Variants in AXDND1 observed in about 807,000 individuals in gnomAD.
The protein encoded by AXDND1 is axonemal dynein light chain domain containing 1.
In AXDND1, 110 loss-of-function variants were observed where a neutral mutation model predicts 137.5. That is an observed-to-expected ratio of 0.80 (90% CI 0.69 to 0.94). The LOEUF (loss-of-function observed/expected upper bound fraction) is 0.94, where lower values mean the gene tolerates loss of function less well. Among genes scored for constraint, AXDND1 ranks in the 40% least tolerant of loss-of-function variants. AXDND1 has a pLI of 0.00. For missense variants in AXDND1, 1,191 were observed against 1,169.8 expected (o/e 1.02, Z -0.26); for synonymous variants, 414 against 399.7 (o/e 1.04, Z -0.43).
chr1:179,468,714 A>C, intron 17 of AXDND1, 73 bp downstream of exon 17: 1 of 1,231,406 alleles, frequency 8.1e-7, no homozygotes, highest in Admixed American at 2.6e-5. Flanking sequence ...TTCATATATA[A>C]TTCACTTTTT....
At chr1:179,487,328 A>G (rs1327307106) in intron 18 of AXDND1, among the ~76,000 whole-genome samples, 1 of 148,338 alleles carries the variant, frequency 6.7e-6, no homozygotes, top group Non-Finnish European at 1.5e-5. Context: ...ATGTACCTCC[A>G]TTAGCAAAAA....
intron 9 of AXDND1, among the ~76,000 whole-genome samples, chr1:179,392,125 C>G (rs1650303475): frequency 6.6e-6 from 1 of 152,188 alleles, no homozygotes; most frequent in South Asian, 2.1e-4. Context: ...TCCTCACCCC[C>G]ATCCTAATCT....
chr1:179,370,011 C>T lies in AXDND1; in HGVS notation c.307C>T (p.His103Tyr). The T allele has an allele frequency of 1.2e-6, 2 of 1,614,064 alleles. No individual in the cohort carries two copies. The highest frequency in any genetic ancestry group is 1.7e-6 in the Non-Finnish European group (2 of 1,179,978). Residue 103 changes from histidine (H) to tyrosine (Y), a missense_variant, in exon 4 of 26, where the codon CAC becomes TAC. Physicochemically the swap from His to Tyr is moderately conservative, Grantham distance 83. Transcript: ENST00000367618. ...ACGCCTTGTAGACCATGTCTGGCATCACCCTGTTCGAAGGAATAAATTCAA... is the reference window on the plus strand; with the variant it reads ...ACGCCTTGTAGACCATGTCTGGCATTACCCTGTTCGAAGGAATAAATTCAA... ...LPRLVDHVWH[H>Y]PVRRNKFKYL...
chr1:179,376,551 C>G (rs966207945), intron 4 of AXDND1, among the ~76,000 whole-genome samples: 1 of 152,162 alleles, frequency 6.6e-6, no homozygotes, highest in East Asian at 1.9e-4. Context: ...ATATGCTGTT[C>G]TCTACACTTT....
At chr1:179,439,311 C>T (rs1658651024) in intron 15 of AXDND1, among the ~76,000 whole-genome samples, 1 of 152,174 alleles carries the variant, frequency 6.6e-6, no homozygotes. Flanking sequence ...ATAATTTTTC[C>T]ATAGTGACTC....
At chr1:179,547,264 T>G (rs989080876) in intron 25 of AXDND1, among the ~76,000 whole-genome samples, 1 of 152,230 alleles carries the variant, frequency 6.6e-6, no homozygotes, top group Non-Finnish European at 1.5e-5. Context: ...TGAGGCATTC[T>G]GTAGCTATAT....
intron 9 of AXDND1, among the ~76,000 whole-genome samples, chr1:179,390,170 T>A (rs774845341): frequency 1.1e-4 from 17 of 152,114 alleles, no homozygotes; most frequent in Non-Finnish European, 2.4e-4. Context: ...TGTGCCACTA[T>A]GCCACACTAA....
intron 23 of AXDND1, 128 bp downstream of exon 23, chr1:179,528,559 A>G: frequency 2.2e-6 from 1 of 452,224 alleles, no homozygotes; most frequent in Non-Finnish European, 3.7e-6. Flanking sequence ...TTTTACAGAT[A>G]TTTTTCTTCC....
intron 17 of AXDND1, among the ~76,000 whole-genome samples, chr1:179,470,925 T>C (rs12407956): frequency 0.2 from 30,642 of 152,054 alleles, 3,215 homozygotes; most frequent in Non-Finnish European, 0.23. Context: ...AGTTTTCTTC[T>C]ATTCCTAATT....
At chr1:179,392,985 A>G (rs964190553) in intron 9 of AXDND1, among the ~76,000 whole-genome samples, 1 of 151,884 alleles carries the variant, frequency 6.6e-6, no homozygotes, top group Non-Finnish European at 1.5e-5. Context: ...ATTAGGTCCC[A>G]TCTATTTATT....
intron 18 of AXDND1, among the ~76,000 whole-genome samples, chr1:179,486,400 C>T (rs1666086723): frequency 6.6e-6 from 1 of 152,106 alleles, no homozygotes; most frequent in African/African-American, 2.4e-5. Flanking sequence ...ATTTGGAAAG[C>T]ATATTTCAGG....
intron 25 of AXDND1, among the ~76,000 whole-genome samples, chr1:179,540,377 T>C (rs1444291702): frequency 6.6e-6 from 1 of 152,214 alleles, no homozygotes; most frequent in East Asian, 1.9e-4. Flanking sequence ...GATGGGGTTT[T>C]GGTGTGGATG....
intron 19 of AXDND1, among the ~76,000 whole-genome samples, chr1:179,492,275 A>G (rs955619942): frequency 2.6e-5 from 4 of 152,052 alleles, no homozygotes; most frequent in African/African-American, 9.7e-5. Context: ...GAGTTTTGCC[A>G]TGTTGGCCAG....
intron 12 of AXDND1, among the ~76,000 whole-genome samples, chr1:179,411,808 G>A (rs1653941358): frequency 6.6e-6 from 1 of 151,482 alleles, no homozygotes; most frequent in Non-Finnish European, 1.5e-5. Flanking sequence ...CTTCATACAA[G>A]GTGACCATAT....
chr1:179,435,142 G>A (rs6683326), intron 15 of AXDND1, among the ~76,000 whole-genome samples: 16,087 of 152,056 alleles, frequency 0.11, 976 homozygotes, highest in African/African-American at 0.14. Context: ...TAAGGGATGC[G>A]AAGGACCTCT....
chr1:179,461,137 C>A (rs141727945), intron 16 of AXDND1, among the ~76,000 whole-genome samples: 2 of 152,040 alleles, frequency 1.3e-5, no homozygotes, highest in Non-Finnish European at 2.9e-5. Flanking sequence ...ATGCCTATGT[C>A]CTGAATGGTA....
intron 7 of AXDND1, among the ~76,000 whole-genome samples, chr1:179,383,202 T>G (rs4652367): frequency 0.62 from 93,239 of 151,552 alleles, 29,318 homozygotes; most frequent in Middle Eastern, 0.69. Context: ...GAATTTTTTT[T>G]GGGGGGAAGC....
At chr1:179,489,837 C>T (rs1372830755) in intron 18 of AXDND1, among the ~76,000 whole-genome samples, 1 of 149,538 alleles carries the variant, frequency 6.7e-6, no homozygotes, top group Non-Finnish European at 1.5e-5. Flanking sequence ...GCTCCGCCTC[C>T]CGGGTTCAAG....
In AXDND1 at chr1:179,479,112, TAATAA is replaced by T. The variant is rs1193917982; in HGVS notation, c.1998-4009_1998-4005del. Among the ~76,000 whole-genome samples the T allele has an allele frequency of 4.6e-5, 7 of 151,944 alleles. No individual in the cohort carries two copies. In the East Asian group the frequency reaches 1.4e-3, roughly 30 times the overall value. On this transcript the variant is annotated intron_variant, in intron 17 of 25. Coordinates refer to ENST00000367618, the MANE Select transcript of AXDND1 (RefSeq NM_144696.6). Reference sequence around the variant, plus strand: ...GAGAGACTCTGTCTCAAAAAAATAATAATAAAATAAATAAAACTGAATACCTTTAA... The same window carrying T: ...GAGAGACTCTGTCTCAAAAAAATAATAATAAATAAAACTGAATACCTTTAA...
Sources: gnomAD v4.1 joint callset for allele counts (sites outside exome capture counted in the v4.1 genomes callset) on GRCh38, gnomAD v4.1.1 for gene constraint, MANE v1.5 for transcripts, NCBI Gene and HGNC (gene_info 2026-07-23, HGNC 2026-07-21) for gene names.